Variants in DLGAP2 observed in about 807,000 individuals in gnomAD.
DLGAP2 encodes the protein disks large-associated protein 2.
DLGAP2 carries 26 observed loss-of-function variants against 100.3 expected under a neutral mutation model. The observed-to-expected ratio is 0.26, with a 90% CI of 0.19 to 0.36. DLGAP2 has a LOEUF of 0.36. Among genes scored for constraint, DLGAP2 ranks in the 10% least tolerant of loss-of-function variants. The pLI is 1.00. For synonymous variants in DLGAP2, 886 were observed against 630.1 expected, an observed-to-expected ratio of 1.41 and a Z score of -6.08; for missense variants, 1,858 against 1,453.2, an observed-to-expected ratio of 1.28 and a Z score of -4.53.
At chr8:1,627,152 G>T (rs1311088351) in intron 7 of DLGAP2, among the ~76,000 whole-genome samples, 2 of 152,214 alleles carry the variant, frequency 1.3e-5, no homozygotes, top group Non-Finnish European at 2.9e-5. Context: ...TGGTCATCCT[G>T]GCCTCTCTTG....
intron 1 of DLGAP2, among the ~76,000 whole-genome samples, chr8:857,373 A>C (rs1428287001): frequency 6.6e-6 from 1 of 152,232 alleles, no homozygotes; most frequent in African/African-American, 2.4e-5. Context: ...CTCTGCAAAG[A>C]CACTCTTCAG....
At chr8:1,378,524 C>T (rs1796016801) in intron 3 of DLGAP2, among the ~76,000 whole-genome samples, 1 of 151,808 alleles carries the variant, frequency 6.6e-6, no homozygotes, top group African/African-American at 2.4e-5. Flanking sequence ...CACCTGACCT[C>T]ACCTGTCCCT....
intron 2 of DLGAP2, among the ~76,000 whole-genome samples, chr8:958,400 C>T (rs1172702792): frequency 7.9e-5 from 12 of 152,098 alleles, no homozygotes; most frequent in Admixed American, 6.6e-4. Flanking sequence ...CCCTCCGTTG[C>T]TCATCTCCCT....
intron 4 of DLGAP2, among the ~76,000 whole-genome samples, chr8:1,507,479 C>T (rs370576730): frequency 4.6e-5 from 7 of 152,292 alleles, no homozygotes; most frequent in South Asian, 2.1e-4. Context: ...ACCCAGAACT[C>T]GCGCTGGCCC....
chr8:1,191,324 C>G (rs978576062), intron 2 of DLGAP2, among the ~76,000 whole-genome samples: 1 of 151,960 alleles, frequency 6.6e-6, no homozygotes, highest in Non-Finnish European at 1.5e-5. Flanking sequence ...GCACCCGCCA[C>G]CACGCCCGGC....
intron 3 of DLGAP2, among the ~76,000 whole-genome samples, chr8:1,436,616 G>A (rs1053938581): frequency 1.3e-5 from 2 of 152,138 alleles, no homozygotes; most frequent in Non-Finnish European, 2.9e-5. Flanking sequence ...TATTATTGAG[G>A]AATGAAAAGT....
chr8:1,184,086 G>T (rs1400833893), intron 2 of DLGAP2, among the ~76,000 whole-genome samples: 3 of 152,220 alleles, frequency 2.0e-5, no homozygotes, highest in Non-Finnish European at 4.4e-5. Context: ...TGTTTGCGTT[G>T]TGTTTGGGGA....
chr8:1,362,540 C>A (rs1037754038), intron 3 of DLGAP2, among the ~76,000 whole-genome samples: 1 of 152,138 alleles, frequency 6.6e-6, no homozygotes, highest in African/African-American at 2.4e-5. Context: ...TTGGCTTCCA[C>A]ACTAACCATG....
chr8:965,122 C>T (rs1330740458), intron 2 of DLGAP2, among the ~76,000 whole-genome samples: 4 of 149,742 alleles, frequency 2.7e-5, no homozygotes, highest in Non-Finnish European at 5.9e-5. Flanking sequence ...GCCCGACCCC[C>T]GCATGCACAC....
At chr8:1,615,075 T>A (rs775847943) in intron 6 of DLGAP2, among the ~76,000 whole-genome samples, 67 of 152,268 alleles carry the variant, frequency 4.4e-4, no homozygotes, top group Non-Finnish European at 6.6e-4. Context: ...CAGGATGGAA[T>A]TTGGGGTTGC....
intron 4 of DLGAP2, among the ~76,000 whole-genome samples, chr8:1,542,314 A>T (rs1391159017): frequency 6.6e-6 from 1 of 152,240 alleles, no homozygotes; most frequent in Non-Finnish European, 1.5e-5. Flanking sequence ...CATTCAGTAG[A>T]TTTACAGGTA....
At chr8:1,324,831 G>A (rs1477124649) in intron 3 of DLGAP2, among the ~76,000 whole-genome samples, 1 of 152,172 alleles carries the variant, frequency 6.6e-6, no homozygotes, top group Non-Finnish European at 1.5e-5. Flanking sequence ...CATCTTGGCA[G>A]TCCCGTGAAA....
rs556247827 is a variant in DLGAP2, at chr8:1,218,026, T to C, written c.74-40825T>C. 3.3e-5 allele frequency among the ~76,000 whole-genome samples: 5 copies of C among 152,302 alleles called. No individual in the cohort carries two copies. The East Asian group carries it at 7.7e-4, about 24-fold the overall frequency. On this transcript the variant is annotated intron_variant, in intron 2 of 14. Transcript: ENST00000637795. The stretch of plus-strand genomic sequence containing the variant: ...TGTCAGAAGGGTAGATTTGCAGATA[T>C]TTTCTCCCATTCTATAAGTTGTCTG...
At chr8:953,734 A>C (rs1481991546) in intron 2 of DLGAP2, among the ~76,000 whole-genome samples, 2 of 152,106 alleles carry the variant, frequency 1.3e-5, no homozygotes, top group Admixed American at 6.6e-5. Context: ...ATTGAGAAAG[A>C]AAGTGCCGAG....
rs557322079 is a variant in DLGAP2 at position 959,642 on chromosome 8, G to C, written c.73+51676G>C. On this transcript the variant is annotated intron_variant, in intron 2 of 14. Coordinates refer to ENST00000637795, the MANE Select transcript of DLGAP2 (RefSeq NM_001346810.2). The stretch of plus-strand genomic sequence containing the variant: ...CTTGAGTGTGGTCTTCTGGGAAACT[G>C]TTACTGGTTGCCAGTCATGTGACAT... 3.9e-5 allele frequency among the ~76,000 whole-genome samples: 6 copies of C among 152,314 alleles called. No homozygotes were observed. In the East Asian group the frequency reaches 1.2e-3, roughly 29 times the overall value.
intron 3 of DLGAP2, among the ~76,000 whole-genome samples, chr8:1,473,038 C>T (rs1450724519): frequency 6.6e-6 from 1 of 152,174 alleles, no homozygotes; most frequent in African/African-American, 2.4e-5. Flanking sequence ...TCAAGCGATT[C>T]TCCTGCCTCA....
chr8:1,056,838 C>T (rs1459346087), intron 2 of DLGAP2, among the ~76,000 whole-genome samples: 2 of 152,214 alleles, frequency 1.3e-5, no homozygotes, highest in Non-Finnish European at 2.9e-5. Flanking sequence ...TGCAACTGTG[C>T]CCCTGAATTT....
At chr8:1,465,021 G>A (rs1379098905) in intron 3 of DLGAP2, among the ~76,000 whole-genome samples, 2 of 152,236 alleles carry the variant, frequency 1.3e-5, no homozygotes, top group Non-Finnish European at 2.9e-5. Context: ...AATGTTGGGG[G>A]CTTCTCCCCA....
chr8:1,442,356 C>A (rs957398389), intron 3 of DLGAP2, among the ~76,000 whole-genome samples: 6 of 149,064 alleles, frequency 4.0e-5, no homozygotes, highest in African/African-American at 1.5e-4. Flanking sequence ...GGCATAGACC[C>A]GCCAAGCTGC....
Sources: gnomAD v4.1 joint callset for allele counts (sites outside exome capture counted in the v4.1 genomes callset) on GRCh38, gnomAD v4.1.1 for gene constraint, MANE v1.5 for transcripts, NCBI Gene and HGNC (gene_info 2026-07-23, HGNC 2026-07-21) for gene names.